PRKCA: variants seen among roughly 807,000 people sequenced by gnomAD.
PRKCA encodes protein kinase C alpha type.
In PRKCA, 27 loss-of-function variants were observed where a neutral mutation model predicts 87.0. The ratio of observed to expected loss-of-function variants is 0.31; its 90% CI spans 0.23 to 0.43. PRKCA has a LOEUF of 0.43. Ranked by LOEUF, PRKCA falls within the 20% of genes least tolerant of loss-of-function variation. PRKCA has a pLI of 1.00. For missense variants in PRKCA, 518 were observed against 852.3 expected, an observed-to-expected ratio of 0.61 and a Z score of 4.88; for synonymous variants, 329 against 311.1, an observed-to-expected ratio of 1.06 and a Z score of -0.61.
In PRKCA at chr17:66,336,778, G is replaced by A. The variant is rs906844597; in HGVS notation, c.205+30651G>A. On this transcript the variant is annotated intron_variant, in intron 2 of 16. Coordinates refer to ENST00000413366, the MANE Select transcript of PRKCA (RefSeq NM_002737.3). ...TTTGTGTGTGTGTGTGTGTGTGTGT[G>A]TGTGTGTGTGTGTGTGTGTGTGTGT... Among the ~76,000 whole-genome samples, 4 of 135,766 alleles carry A rather than the reference G, an allele frequency of 2.9e-5. No homozygotes were observed. In the South Asian group the frequency reaches 9.9e-4, roughly 34 times the overall value. The allele number at this position is 135,766 out of a possible 152,430, so 89.1% of individuals were successfully genotyped here. A position where few individuals can be genotyped will look rare whatever the true frequency, so the allele number is the denominator to read the frequency against.
At chr17:66,605,809 TA>T (rs1970189655) in intron 3 of PRKCA, among the ~76,000 whole-genome samples, 1 of 152,172 alleles carries the variant, frequency 6.6e-6, no homozygotes, top group African/African-American at 2.4e-5. Flanking sequence ...TCCTGCTCCG[TA>T]AAAGAAGCCA....
At chr17:66,362,186 C>T (rs1339773882) in intron 2 of PRKCA, among the ~76,000 whole-genome samples, 1 of 152,142 alleles carries the variant, frequency 6.6e-6, no homozygotes, top group Non-Finnish European at 1.5e-5. Context: ...CAGGCATGCG[C>T]CACCACACTG....
intron 8 of PRKCA, among the ~76,000 whole-genome samples, chr17:66,713,049 C>CTTTTTTTTTT (rs564655403): frequency 1.1e-4 from 11 of 104,416 alleles, no homozygotes; most frequent in African/African-American, 2.3e-4. Context: ...CTTTGTTGTC[C>CTTTTTTTTTT]TTTTTTTTTT....
chr17:66,506,655 TA>T (rs2144152496), intron 3 of PRKCA, among the ~76,000 whole-genome samples: 1 of 152,294 alleles, frequency 6.6e-6, no homozygotes, highest in East Asian at 1.9e-4. Context: ...TCAGCATCAT[TA>T]TTACGGCTGA....
chr17:66,495,117 AC>A (rs1235362170), intron 2 of PRKCA, among the ~76,000 whole-genome samples: 4 of 149,154 alleles, frequency 2.7e-5, no homozygotes, highest in Admixed American at 2.0e-4. Flanking sequence ...AAAAAAAAAA[AC>A]TCTTAGGGGA....
chr17:66,327,519 C>T (rs979671566), intron 2 of PRKCA, among the ~76,000 whole-genome samples: 4 of 151,978 alleles, frequency 2.6e-5, no homozygotes, highest in African/African-American at 9.7e-5. Context: ...CTGGGCGACA[C>T]AGTGAGACTG....
intron 8 of PRKCA, among the ~76,000 whole-genome samples, chr17:66,712,422 A>G (rs991705590): frequency 7.9e-5 from 12 of 152,216 alleles, no homozygotes; most frequent in Non-Finnish European, 2.9e-5. Context: ...AAACATCTGA[A>G]TCACAGAGCT....
At chr17:66,389,255 AC>A (rs1343495698) in intron 2 of PRKCA, among the ~76,000 whole-genome samples, 1 of 152,190 alleles carries the variant, frequency 6.6e-6, no homozygotes, top group Non-Finnish European at 1.5e-5. Flanking sequence ...TCACTTTAAT[AC>A]AGAAAGGCTG....
intron 2 of PRKCA, among the ~76,000 whole-genome samples, chr17:66,420,264 C>T (rs1488798454): frequency 2.0e-5 from 3 of 152,074 alleles, no homozygotes; most frequent in Non-Finnish European, 4.4e-5. Context: ...CTGCCTTGGC[C>T]TCCCAAAGTG....
At position 66,803,740 on chromosome 17, in the gene PRKCA, C is replaced by A; in HGVS notation, c.1855-133C>A. 8.1e-7 allele frequency: 1 copy of A among 1,233,466 alleles called. No individual in the cohort carries two copies. The highest frequency in any genetic ancestry group is 1.1e-6 in the Non-Finnish European group (1 of 902,052). The allele number at this position is 1,233,466 out of a possible 1,614,324, so 76.4% of individuals were successfully genotyped here. A position where few individuals can be genotyped will look rare whatever the true frequency, so the allele number is the denominator to read the frequency against. On this transcript the variant is annotated intron_variant, in intron 16 of 16. Transcript: ENST00000413366. This position sits in a 1 kb window ranked among gnomAD's most constrained non-coding sequence, Gnocchi z 4.4. ...TTTTCAATCCAATAGGCCTGCAAGT[C>A]CTCCGAGATTCCTCCTCCTAACCAG...
intron 2 of PRKCA, among the ~76,000 whole-genome samples, chr17:66,465,929 C>A (rs1915066627): frequency 6.6e-6 from 1 of 151,702 alleles, no homozygotes; most frequent in African/African-American, 2.4e-5. Context: ...AAAGGAGTTT[C>A]TTCACATGGA....
chr17:66,665,468 G>T (rs8075968), intron 5 of PRKCA, among the ~76,000 whole-genome samples: 1 of 151,344 alleles, frequency 6.6e-6, no homozygotes, highest in Non-Finnish European at 1.5e-5. Flanking sequence ...AGGGAGCATC[G>T]CTGGGCTTGG....
chr17:66,659,145 T>A (rs1266658275), intron 5 of PRKCA, among the ~76,000 whole-genome samples: 1 of 152,192 alleles, frequency 6.6e-6, no homozygotes, highest in Non-Finnish European at 1.5e-5. Flanking sequence ...TGTTGAGAGC[T>A]GTTTCAGAGA....
chr17:66,640,802 TG>T, intron 3 of PRKCA: 1 of 340,818 alleles, frequency 2.9e-6, no homozygotes, highest in African/African-American at 2.2e-5. Context: ...ATAGCTTTGG[TG>T]GAAACCGTGG....
chr17:66,760,632 G>C (rs1367006306), intron 13 of PRKCA, among the ~76,000 whole-genome samples: 2 of 152,176 alleles, frequency 1.3e-5, no homozygotes, highest in Non-Finnish European at 2.9e-5. Context: ...CAATAAAATT[G>C]ATAAGCCTCA....
At position 66,776,526 on chromosome 17, in the gene PRKCA, T is replaced by C. The variant is rs529715463; in HGVS notation, c.1605+2459T>C. Among the ~76,000 whole-genome samples, 276 of 152,204 alleles carry C rather than the reference T, an allele frequency of 1.8e-3. 1 individual carries two copies. The highest frequency in any genetic ancestry group is 6.8e-3 in the Middle Eastern group (2 of 294). On this transcript the variant is annotated intron_variant, in intron 14 of 16. Coordinates refer to ENST00000413366, the MANE Select transcript of PRKCA (RefSeq NM_002737.3). Reference sequence around the variant, plus strand: ...GGTTTCACCATCTTGGCCAGGCTGGTCCTGAGCTCCTGACCTCGTGATCCA... The same window carrying C: ...GGTTTCACCATCTTGGCCAGGCTGGCCCTGAGCTCCTGACCTCGTGATCCA...
At chr17:66,370,192 A>T (rs1293988527) in intron 2 of PRKCA, among the ~76,000 whole-genome samples, 1 of 149,678 alleles carries the variant, frequency 6.7e-6, no homozygotes, top group Non-Finnish European at 1.5e-5. Flanking sequence ...AGACATAATT[A>T]TATTGAATGA....
chr17:66,524,083 C>T (rs2144232304), intron 3 of PRKCA, among the ~76,000 whole-genome samples: 2 of 152,262 alleles, frequency 1.3e-5, no homozygotes, highest in South Asian at 4.2e-4. Context: ...AGGCCTCAGC[C>T]TCTGCAACAT....
chr17:66,436,022 G>C (rs537830114), intron 2 of PRKCA, among the ~76,000 whole-genome samples: 1 of 152,244 alleles, frequency 6.6e-6, no homozygotes, highest in East Asian at 1.9e-4. Flanking sequence ...GTGGATCCAT[G>C]GTGCAAATGG....
Sources: gnomAD v4.1 joint callset for allele counts (sites outside exome capture counted in the v4.1 genomes callset) on GRCh38, gnomAD v4.1.1 for gene constraint, Gnocchi (gnomAD v3.1) non-coding constraint, MANE v1.5 for transcripts, NCBI Gene and HGNC (gene_info 2026-07-23, HGNC 2026-07-21) for gene names.